RPA3: variants seen among roughly 807,000 people sequenced by gnomAD.
RPA3 encodes replication protein A 14 kDa subunit.
Under a neutral mutation model 13.7 loss-of-function variants are expected in RPA3, and 24 were observed. That is an observed-to-expected ratio of 1.75 (90% CI 1.27 to 2.46). RPA3 has a LOEUF of 2.46. Among genes scored for constraint, RPA3 ranks in the 30% most tolerant of loss-of-function variants. RPA3 has a pLI of 0.00. For synonymous variants in RPA3, 59 were observed against 51.2 expected, an observed-to-expected ratio of 1.15 and a Z score of -0.65; for missense variants, 183 against 151.0, an observed-to-expected ratio of 1.21 and a Z score of -1.11.
intron 2 of RPA3, among the ~76,000 whole-genome samples, chr7:7,705,937 A>G (rs556698006): frequency 1.3e-5 from 2 of 152,164 alleles, no homozygotes; most frequent in South Asian, 2.1e-4. Flanking sequence ...CAATTTTGCT[A>G]TGAACCTAAA....
intron 4 of RPA3, among the ~76,000 whole-genome samples, chr7:7,658,326 G>A (rs925935700): frequency 2.0e-5 from 3 of 152,166 alleles, no homozygotes; most frequent in Non-Finnish European, 2.9e-5. Context: ...TGATGGCCCT[G>A]GCCAGAACTT....
rs1563112315 is a variant in RPA3, at chr7:7,677,656, G to GTTTTTTTGT, written c.-758+8165_-758+8173dup. On this transcript the variant is annotated intron_variant, in intron 4 of 7. Coordinates refer to ENST00000223129, the MANE Select transcript of RPA3 (RefSeq NM_002947.5). ...CCACATTTTCTTTATCTATTCATCT[G>GTTTTTTTGT]TTTTTTTGTTTTTTTTTTTTTTTTT... 8.0e-4 allele frequency among the ~76,000 whole-genome samples: 33 copies of GTTTTTTTGT among 41,434 alleles called. 9 individuals carry two copies. The highest frequency in any genetic ancestry group is 1.1e-3 in the Non-Finnish European group (18 of 16,504). The allele number at this position is 41,434 out of a possible 152,430, so 27.2% of individuals were successfully genotyped here.
At chr7:7,650,198 C>A (rs1328185931) in intron 4 of RPA3, among the ~76,000 whole-genome samples, 2 of 152,166 alleles carry the variant, frequency 1.3e-5, no homozygotes, top group Non-Finnish European at 2.9e-5. Context: ...TGTAATCCCA[C>A]AATTTACGTT....
At chr7:7,716,786 G>C (rs565767323) in intron 1 of RPA3, among the ~76,000 whole-genome samples, 2 of 152,252 alleles carry the variant, frequency 1.3e-5, no homozygotes, top group African/African-American at 4.8e-5. Context: ...TCTACTAAAA[G>C]CACAAAAAAA....
At chr7:7,698,808 C>G (rs946811133) in intron 2 of RPA3, among the ~76,000 whole-genome samples, 20 of 151,762 alleles carry the variant, frequency 1.3e-4, no homozygotes, top group African/African-American at 3.9e-4. Context: ...TGATTTGGAG[C>G]CAAAAACCAG....
rs140422214 is a variant in RPA3 at position 7,685,495 on chromosome 7, G to C, written c.-758+335C>G. On this transcript the variant is annotated intron_variant, in intron 4 of 7. Coordinates refer to ENST00000223129, the MANE Select transcript of RPA3 (RefSeq NM_002947.5). ...CACCAAGTTTTGTATTTTTAGTAGA[G>C]AAGGAGTTTCACCACTTTGGCCAGG... is the stretch of plus-strand genomic sequence containing the variant. Among the ~76,000 whole-genome samples, 585 of 152,130 alleles carry C rather than the reference G, an allele frequency of 3.8e-3. 5 individuals carry two copies. The highest frequency in any genetic ancestry group is 0.013 in the African/African-American group (557 of 41,508).
At chr7:7,672,670 T>A (rs150240600) in intron 4 of RPA3, among the ~76,000 whole-genome samples, 48 of 152,312 alleles carry the variant, frequency 3.2e-4, no homozygotes, top group African/African-American at 1.1e-3. Context: ...CCTGTCGTCC[T>A]GTGAGGAGGT....
intron 2 of RPA3, among the ~76,000 whole-genome samples, chr7:7,690,277 C>T (rs1453753945): frequency 6.6e-6 from 1 of 151,724 alleles, no homozygotes; most frequent in African/African-American, 2.4e-5. Flanking sequence ...TAAATGAAAC[C>T]ATAATTTTTT....
chr7:7,690,281 AT>A lies in RPA3; in HGVS notation c.-1027-2954del, dbSNP rs1006618968. 9.3e-5 allele frequency among the ~76,000 whole-genome samples: 14 copies of A among 150,592 alleles called. No homozygotes were observed. The South Asian group carries it at 1.1e-3, about 11-fold the overall frequency. ...GCTGAAGGCAATAAATGAAACCATA[AT>A]TTTTTTTTTAAGCATGGAAGTTCAG... On this transcript the variant is annotated intron_variant, in intron 2 of 7. Transcript: ENST00000223129.
At chr7:7,668,579 C>T (rs1267009053) in intron 4 of RPA3, among the ~76,000 whole-genome samples, 5 of 152,126 alleles carry the variant, frequency 3.3e-5, no homozygotes, top group Non-Finnish European at 7.3e-5. Context: ...TTCTTAGAAA[C>T]TGACTTTAAG....
chr7:7,695,924 T>C (rs1780303685), intron 2 of RPA3, among the ~76,000 whole-genome samples: 1 of 151,908 alleles, frequency 6.6e-6, no homozygotes, highest in South Asian at 2.1e-4. Context: ...AACAGTGAGA[T>C]GGATCATTGA....
chr7:7,643,453 G>A (rs1393433550), intron 4 of RPA3, among the ~76,000 whole-genome samples: 3 of 152,230 alleles, frequency 2.0e-5, no homozygotes, highest in Non-Finnish European at 4.4e-5. Flanking sequence ...GCTCACGCCT[G>A]TAATCCCAGC....
intron 4 of RPA3, chr7:7,641,650 C>A (rs1456185562): frequency 1.3e-5 from 2 of 152,148 alleles, no homozygotes; most frequent in African/African-American, 4.8e-5. Context: ...GACCCGAAGC[C>A]GGCGGCCTTG....
chr7:7,657,202 C>G (rs2115084159), intron 4 of RPA3, among the ~76,000 whole-genome samples: 1 of 152,232 alleles, frequency 6.6e-6, no homozygotes, highest in East Asian at 1.9e-4. Flanking sequence ...TTTCTAGAGT[C>G]TGGGTATTAG....
chr7:7,695,532 A>T (rs1371740776), intron 2 of RPA3, among the ~76,000 whole-genome samples: 1 of 152,128 alleles, frequency 6.6e-6, no homozygotes, highest in Non-Finnish European at 1.5e-5. Context: ...AACTTCCTAA[A>T]TGTTTAGTCT....
chr7:7,690,967 G>A (rs1286057016), intron 2 of RPA3, among the ~76,000 whole-genome samples: 2 of 152,232 alleles, frequency 1.3e-5, no homozygotes, highest in South Asian at 4.1e-4. Flanking sequence ...CTAAAGGAGT[G>A]CAGTTTCTTT....
intron 4 of RPA3, among the ~76,000 whole-genome samples, chr7:7,662,479 G>T (rs1785499346): frequency 6.6e-6 from 1 of 152,218 alleles, no homozygotes; most frequent in South Asian, 2.1e-4. Flanking sequence ...TCTGTGGGTT[G>T]CGAAGACCGT....
intron 4 of RPA3, among the ~76,000 whole-genome samples, chr7:7,646,009 G>C (rs1024186151): frequency 3.9e-5 from 6 of 152,182 alleles, no homozygotes; most frequent in African/African-American, 1.4e-4. Flanking sequence ...GGGAGAGGGA[G>C]CATGCAGGTG....
At chr7:7,648,118 C>G (rs1859602) in intron 4 of RPA3, among the ~76,000 whole-genome samples, 101,316 of 152,100 alleles carry the variant, frequency 0.67, 34,230 homozygotes, top group East Asian at 0.88. Flanking sequence ...CAGGCTGATA[C>G]CAGCCAGTGG....
Sources: allele counts gnomAD v4.1 joint callset (sites outside exome capture counted in the v4.1 genomes callset), GRCh38; gene constraint gnomAD v4.1.1; transcripts MANE v1.5; gene names NCBI Gene and HGNC (gene_info 2026-07-23, HGNC 2026-07-21).